Variants in LCLAT1 observed in about 807,000 individuals in gnomAD.
The protein encoded by LCLAT1 is lysocardiolipin acyltransferase 1.
LCLAT1 carries 11 observed loss-of-function variants against 30.7 expected under a neutral mutation model. That is an observed-to-expected ratio of 0.36 (90% confidence interval 0.23 to 0.59). The LOEUF (loss-of-function observed/expected upper bound fraction) is 0.59. Ranked by LOEUF, LCLAT1 falls within the 20% of genes least tolerant of loss-of-function variation. The pLI is 0.77. For synonymous variants in LCLAT1, 155 were observed against 151.3 expected (o/e 1.02, Z -0.18); for missense variants, 402 against 458.6 (o/e 0.88, Z 1.13).
chr2:30,617,237 G>A lies in LCLAT1; in HGVS notation c.629-22880G>A, dbSNP rs114165375. 6.0e-3 allele frequency among the ~76,000 whole-genome samples: 906 copies of A among 152,190 alleles called. 6 individuals carry two copies. The highest frequency in any genetic ancestry group is 9.1e-3 in the Non-Finnish European group (619 of 68,004). ...CCTGGAACCCACTGATGTGCTTTCT[G>A]TCACCATAGTTTTGCCTTTTCTAGA... On this transcript the variant is annotated intron_variant, in intron 5 of 5. Transcript: ENST00000379509.
intron 1 of LCLAT1, among the ~76,000 whole-genome samples, chr2:30,494,611 T>C (rs1684009054): frequency 6.6e-6 from 1 of 151,790 alleles, no homozygotes. Flanking sequence ...CGTATGTGTG[T>C]ATGCATACAT....
rs531552536 is a variant in LCLAT1 at position 30,553,248 on chromosome 2, CT to C, written c.365-8897del. Among the ~76,000 whole-genome samples the C allele has an allele frequency of 1.2e-3, 188 of 152,162 alleles. 1 individual carries two copies. The highest frequency in any genetic ancestry group is 3.4e-3 in the Middle Eastern group (1 of 294). On this transcript the variant is annotated intron_variant, in intron 3 of 5. Coordinates refer to ENST00000379509, the MANE Select transcript of LCLAT1 (RefSeq NM_001002257.3). Reference sequence around the variant, plus strand: ...AGTAAATGGTTATTTTTTTCTCCCCCTAGGCAACGCTAAAACTTGGTAAAAG... The same window carrying C: ...AGTAAATGGTTATTTTTTTCTCCCCCAGGCAACGCTAAAACTTGGTAAAAG...
intron 5 of LCLAT1, among the ~76,000 whole-genome samples, chr2:30,596,139 T>A (rs1666920196): frequency 6.6e-6 from 1 of 152,206 alleles, no homozygotes; most frequent in Non-Finnish European, 1.5e-5. Flanking sequence ...TGATTTATGT[T>A]CCATTGGGTA....
intron 1 of LCLAT1, among the ~76,000 whole-genome samples, chr2:30,472,838 C>G (rs145602475): frequency 6.6e-6 from 1 of 152,086 alleles, no homozygotes; most frequent in African/African-American, 2.4e-5. Flanking sequence ...ACCTGCCCCC[C>G]ACAATACCTT....
chr2:30,458,074 G>C (rs1010689902), intron 1 of LCLAT1, among the ~76,000 whole-genome samples: 2 of 151,868 alleles, frequency 1.3e-5, no homozygotes, highest in African/African-American at 4.8e-5. Flanking sequence ...CTTTTCACTT[G>C]GTTGTTAGGT....
chr2:30,527,629 T>C (rs1685780532), intron 2 of LCLAT1, among the ~76,000 whole-genome samples: 1 of 152,170 alleles, frequency 6.6e-6, no homozygotes, highest in Non-Finnish European at 1.5e-5. Context: ...TTCTAGTCAT[T>C]TGAACTTGGC....
chr2:30,628,337 A>G (rs999378431), intron 5 of LCLAT1, among the ~76,000 whole-genome samples: 6 of 152,252 alleles, frequency 3.9e-5, no homozygotes, highest in African/African-American at 9.6e-5. Context: ...AAAATTGCCA[A>G]TTCTTCCAAA....
At chr2:30,539,239 G>A (rs967080574) in intron 3 of LCLAT1, among the ~76,000 whole-genome samples, 4 of 134,210 alleles carry the variant, frequency 3.0e-5, no homozygotes, top group Non-Finnish European at 6.2e-5. Context: ...TTGAGCCACC[G>A]CGCCAGGCCT....
chr2:30,581,179 G>A (rs1666199629), intron 5 of LCLAT1, among the ~76,000 whole-genome samples: 1 of 152,144 alleles, frequency 6.6e-6, no homozygotes, highest in Non-Finnish European at 1.5e-5. Flanking sequence ...GCCAGTCTGG[G>A]CTCTTGCCTC....
chr2:30,613,174 G>A (rs1667822932), intron 5 of LCLAT1, among the ~76,000 whole-genome samples: 1 of 152,100 alleles, frequency 6.6e-6, no homozygotes, highest in Admixed American at 6.6e-5. Flanking sequence ...AGAGAATGAG[G>A]GCAGAAAGGT....
At chr2:30,623,811 C>T (rs1572710944) in intron 5 of LCLAT1, among the ~76,000 whole-genome samples, 1 of 152,146 alleles carries the variant, frequency 6.6e-6, no homozygotes, top group Non-Finnish European at 1.5e-5. Context: ...ACATAGTCAT[C>T]AGGTTATCTG....
At chr2:30,605,968 T>C (rs1253927357) in intron 5 of LCLAT1, 2 of 1,260,586 alleles carry the variant, frequency 1.6e-6, no homozygotes, top group East Asian at 1.3e-4. Context: ...GGAGGGTTCT[T>C]GCTACCATGA....
At chr2:30,470,399 T>A (rs1682715812) in intron 1 of LCLAT1, among the ~76,000 whole-genome samples, 1 of 152,266 alleles carries the variant, frequency 6.6e-6, no homozygotes, top group South Asian at 2.1e-4. Flanking sequence ...ACTGTAATTC[T>A]GACCTTGTGT....
chr2:30,639,532 G>A lies in LCLAT1; in HGVS notation c.629-585G>A, dbSNP rs763461169. On this transcript the variant is annotated intron_variant, in intron 5 of 5. Transcript: ENST00000379509. ...CCAGGCTGAACTCCTGGGCAATAGC[G>A]ATTCTCTCACCTCATCCTCCCGAGT... Among the ~76,000 whole-genome samples the A allele has an allele frequency of 4.6e-5, 7 of 152,248 alleles. No individual in the cohort carries two copies. In the East Asian group the frequency reaches 1.2e-3, roughly 25 times the overall value.
At position 30,524,526 on chromosome 2, in the gene LCLAT1, A is replaced by T. The variant is rs145252686; in HGVS notation, c.-4-1061A>T. 1.7e-3 allele frequency among the ~76,000 whole-genome samples: 264 copies of T among 152,344 alleles called. 1 individual carries two copies. The highest frequency in any genetic ancestry group is 6.1e-3 in the African/African-American group (255 of 41,578). Reference sequence around the variant, plus strand: ...ATGTTATATGGAAAATTCCAGAAATAAACAACTGATGGGTTTTAAATTTGT... The same window carrying T: ...ATGTTATATGGAAAATTCCAGAAATTAACAACTGATGGGTTTTAAATTTGT... On this transcript the variant is annotated intron_variant, in intron 1 of 5. Coordinates refer to ENST00000379509, the MANE Select transcript of LCLAT1 (RefSeq NM_001002257.3).
At chr2:30,583,443 A>C (rs556226051) in intron 5 of LCLAT1, among the ~76,000 whole-genome samples, 3 of 152,342 alleles carry the variant, frequency 2.0e-5, no homozygotes, top group African/African-American at 7.2e-5. Context: ...CCTAAAAAGC[A>C]CATACTTGAT....
At chr2:30,589,913 G>A (rs1351079882) in intron 5 of LCLAT1, among the ~76,000 whole-genome samples, 3 of 151,964 alleles carry the variant, frequency 2.0e-5, no homozygotes, top group Non-Finnish European at 2.9e-5. Context: ...TGTTTGAAAA[G>A]GGTAAATCAA....
In LCLAT1 at chr2:30,531,259, C is replaced by T. The variant is rs141739820; in HGVS notation, c.166-1857C>T. 5.2e-4 allele frequency among the ~76,000 whole-genome samples: 79 copies of T among 152,038 alleles called. No homozygotes were observed. The East Asian group carries it at 7.7e-3, about 15-fold the overall frequency. ...CAGCCTGGGCGACAGAGTGAGACTC[C>T]GTCTCAAAAGAAAAAAAAGAAAAAG... On this transcript the variant is annotated intron_variant, in intron 2 of 5. Transcript: ENST00000379509.
intron 4 of LCLAT1, 94 bp downstream of exon 4, chr2:30,562,386 C>T: frequency 9.9e-7 from 1 of 1,006,480 alleles, no homozygotes; most frequent in Non-Finnish European, 1.4e-6. Flanking sequence ...AGAATAATGG[C>T]TCTTCCAGGT....
Sources: allele counts gnomAD v4.1 joint callset (sites outside exome capture counted in the v4.1 genomes callset), GRCh38; gene constraint gnomAD v4.1.1; transcripts MANE v1.5; gene names NCBI Gene and HGNC (gene_info 2026-07-23, HGNC 2026-07-21).